RNF220: variants seen among roughly 807,000 people sequenced by gnomAD.
RNF220 encodes E3 ubiquitin-protein ligase RNF220.
In RNF220, 7 loss-of-function variants were observed where a neutral mutation model predicts 67.1. That is an observed-to-expected ratio of 0.10 (90% CI 0.06 to 0.20). The LOEUF is 0.20. Among genes scored for constraint, RNF220 ranks in the 10% least tolerant of loss-of-function variants. The probability of loss-of-function intolerance (pLI) is 1.00; values close to 1 mark genes in which losing one functional copy is unlikely to be tolerated. For synonymous variants in RNF220, 270 were observed against 283.2 expected, an observed-to-expected ratio of 0.95 and a Z score of 0.47; for missense variants, 565 against 740.3, an observed-to-expected ratio of 0.76 and a Z score of 2.75.
intron 3 of RNF220, among the ~76,000 whole-genome samples, chr1:44,619,837 T>C (rs1285286950): frequency 6.6e-6 from 1 of 151,934 alleles, no homozygotes; most frequent in African/African-American, 2.4e-5. Flanking sequence ...CCAAGCACAC[T>C]GGGAGGTAAT....
At chr1:44,626,525 C>T in intron 5 of RNF220, 127 bp downstream of exon 5, 1 of 697,290 alleles carries the variant, frequency 1.4e-6, no homozygotes, top group East Asian at 2.7e-5. Flanking sequence ...GGTTTGGTTC[C>T]CCCTGTGTCC....
At chr1:44,433,802 AAAATAC>A (rs1650662402) in intron 2 of RNF220, among the ~76,000 whole-genome samples, 1 of 152,102 alleles carries the variant, frequency 6.6e-6, no homozygotes, top group Non-Finnish European at 1.5e-5. Flanking sequence ...ATCTCTACTA[AAAATAC>A]AAACATTAGC....
chr1:44,476,328 C>G (rs1475889590), intron 2 of RNF220, among the ~76,000 whole-genome samples: 1 of 151,920 alleles, frequency 6.6e-6, no homozygotes, highest in Non-Finnish European at 1.5e-5. Flanking sequence ...ATAACTTTCA[C>G]GTAACTCATA....
At chr1:44,533,282 G>A (rs755652152) in intron 2 of RNF220, among the ~76,000 whole-genome samples, 4 of 152,152 alleles carry the variant, frequency 2.6e-5, no homozygotes, top group African/African-American at 4.8e-5. Flanking sequence ...CTTGAGCCCA[G>A]GAGTTTGAGA....
At chr1:44,562,387 A>G (rs1352177045) in intron 2 of RNF220, among the ~76,000 whole-genome samples, 1 of 152,156 alleles carries the variant, frequency 6.6e-6, no homozygotes, top group Non-Finnish European at 1.5e-5. Context: ...TGTGATGCTG[A>G]GGCTGCTGAC....
chr1:44,551,119 C>CTTTTTTT (rs386366846), intron 2 of RNF220, among the ~76,000 whole-genome samples: 13 of 97,480 alleles, frequency 1.3e-4, no homozygotes, highest in Admixed American at 2.7e-4. Context: ...CACTTCTTGC[C>CTTTTTTT]TTTTTTTTTT....
intron 2 of RNF220, among the ~76,000 whole-genome samples, chr1:44,464,894 C>T (rs375394412): frequency 2.0e-5 from 3 of 152,126 alleles, no homozygotes; most frequent in African/African-American, 4.8e-5. Flanking sequence ...AGCTATTATC[C>T]GTATCTCATC....
chr1:44,483,382 C>T (rs1356085922), intron 2 of RNF220, among the ~76,000 whole-genome samples: 1 of 152,178 alleles, frequency 6.6e-6, no homozygotes, highest in African/African-American at 2.4e-5. Context: ...TGTGGAAGAA[C>T]TATGTCCAGG....
At chr1:44,607,645 G>C (rs79222367) in intron 2 of RNF220, among the ~76,000 whole-genome samples, 3 of 151,210 alleles carry the variant, frequency 2.0e-5, no homozygotes. Context: ...CCGCCACCAC[G>C]CCCAGCTAAT....
chr1:44,568,912 G>A (rs1664233336), intron 2 of RNF220, among the ~76,000 whole-genome samples: 1 of 125,484 alleles, frequency 8.0e-6, no homozygotes, highest in African/African-American at 3.2e-5. Context: ...TTTGGGTCCA[G>A]ACAGACTGGG....
intron 2 of RNF220, among the ~76,000 whole-genome samples, chr1:44,496,708 G>A (rs1448518520): frequency 2.0e-5 from 3 of 152,182 alleles, no homozygotes; most frequent in African/African-American, 7.2e-5. Flanking sequence ...TGCATGTGGT[G>A]TGGGCTGATG....
intron 2 of RNF220, among the ~76,000 whole-genome samples, chr1:44,610,358 G>A (rs1327416428): frequency 6.6e-6 from 1 of 152,196 alleles, no homozygotes; most frequent in Non-Finnish European, 1.5e-5. Flanking sequence ...ATCCTCTGCC[G>A]ATAACACTGG....
At position 44,650,139 on chromosome 1, in the gene RNF220, TG is replaced by T. The variant is rs1326426020; in HGVS notation, c.1629+183del. The T allele has an allele frequency of 3.1e-5, 20 of 649,512 alleles. No individual in the cohort carries two copies. The East Asian group carries it at 5.2e-4, about 17-fold the overall frequency. The allele number at this position is 649,512 out of a possible 1,614,324, so 40.2% of individuals were successfully genotyped here. ...AGGCTCGCTGCCTCTCCTCCCCAAC[TG>T]CAGGTTTAGGAACTTCTCCCCCTCC... On this transcript the variant is annotated intron_variant, in intron 14 of 14. Transcript: ENST00000361799. The surrounding 1 kb of genome is among the most constrained non-coding windows in gnomAD (Gnocchi z 4.3).
At chr1:44,538,918 GAA>G (rs35240810) in intron 2 of RNF220, among the ~76,000 whole-genome samples, 4,080 of 77,802 alleles carry the variant, frequency 0.052, 125 homozygotes, top group South Asian at 0.14. Flanking sequence ...TCCATCTAGG[GAA>G]AAAAAAAAAA....
At chr1:44,566,424 A>G (rs270761) in intron 2 of RNF220, among the ~76,000 whole-genome samples, 83,389 of 151,994 alleles carry the variant, frequency 0.55, 23,970 homozygotes, top group African/African-American at 0.73. Flanking sequence ...TGTATCCAGC[A>G]CCCTAGCCTA....
chr1:44,637,663 G>GT (rs555696658), intron 8 of RNF220, among the ~76,000 whole-genome samples: 172 of 152,368 alleles, frequency 1.1e-3, no homozygotes, highest in South Asian at 9.3e-3. Flanking sequence ...TTTGACAAGA[G>GT]TATTTCCCCT....
Position 44,412,510 on chromosome 1 carries a change from C to T in RNF220, c.413C>T (p.Pro138Leu), listed in dbSNP as rs755438835. 4.9e-5 allele frequency: 79 copies of T among 1,613,646 alleles called. No homozygotes were observed. The highest frequency in any genetic ancestry group is 6.0e-5 in the Non-Finnish European group (71 of 1,179,730). Reference protein sequence around the residue: ...DRESYQSAFTPAKRLKNCHDT... With the variant: ...DRESYQSAFTLAKRLKNCHDT... The stretch of plus-strand genomic sequence containing the variant: ...GAGAGCTATCAGTCAGCCTTTACGC[C>T]GGCCAAGCGACTTAAGAACTGCCAT... Residue 138 changes from proline (P) to leucine (L), a missense_variant, in exon 2 of 15, where the codon CCG becomes CTG. Pro to Leu is a moderately conservative substitution (Grantham distance 98). Transcript: ENST00000361799. This position sits in a 1 kb window ranked among gnomAD's most constrained non-coding sequence, Gnocchi z 5.3.
intron 2 of RNF220, among the ~76,000 whole-genome samples, chr1:44,544,121 C>T (rs1661919748): frequency 6.6e-6 from 1 of 152,170 alleles, no homozygotes; most frequent in Admixed American, 6.5e-5. Flanking sequence ...TCGGGAGGAC[C>T]ACAGGAGACA....
intron 2 of RNF220, among the ~76,000 whole-genome samples, chr1:44,598,261 A>G (rs993743465): frequency 1.3e-5 from 2 of 152,172 alleles, no homozygotes; most frequent in Admixed American, 6.5e-5. Flanking sequence ...CATGAGCAGC[A>G]GCAGGAGCTG....
Sources: allele counts gnomAD v4.1 joint callset (sites outside exome capture counted in the v4.1 genomes callset), GRCh38; gene constraint gnomAD v4.1.1; non-coding constraint Gnocchi (gnomAD v3.1); transcripts MANE v1.5; gene names NCBI Gene and HGNC (gene_info 2026-07-23, HGNC 2026-07-21).